Variants in ENPP3 observed in about 807,000 individuals in gnomAD.
ENPP3 encodes ectonucleotide pyrophosphatase/phosphodiesterase family member 3.
A neutral mutation model predicts 117.8 loss-of-function variants in ENPP3; 104 were observed. The ratio of observed to expected loss-of-function variants is 0.88; its 90% CI spans 0.75 to 1.04. The LOEUF (loss-of-function observed/expected upper bound fraction) is 1.04. Among genes scored for constraint, ENPP3 ranks in the 50% least tolerant of loss-of-function variants. The pLI, the probability that ENPP3 is intolerant of heterozygous loss-of-function variation, is 0.00. For synonymous variants in ENPP3, 380 were observed against 349.9 expected (o/e 1.09, Z -0.96); for missense variants, 1,026 against 1,051.9 (o/e 0.98, Z 0.34).
chr6:131,678,221 T>C (rs893025345), intron 11 of ENPP3, among the ~76,000 whole-genome samples: 11 of 152,210 alleles, frequency 7.2e-5, no homozygotes, highest in Admixed American at 3.3e-4. Flanking sequence ...TGTTGTTGCA[T>C]ATAATGAAAA....
intron 15 of ENPP3, among the ~76,000 whole-genome samples, chr6:131,713,429 A>G (rs1179286085): frequency 1.3e-5 from 2 of 148,982 alleles, no homozygotes; most frequent in Non-Finnish European, 3.0e-5. Context: ...ATACTAATTT[A>G]TTTTTAATGT....
At chr6:131,706,023 ATTATT>A (rs1183516159) in intron 15 of ENPP3, among the ~76,000 whole-genome samples, 1 of 133,564 alleles carries the variant, frequency 7.5e-6, no homozygotes, top group Non-Finnish European at 1.5e-5. Context: ...ACTTTTTGTC[ATTATT>A]TTATTTTATT....
At chr6:131,652,743 G>A (rs1778290707) in intron 4 of ENPP3, 76 bp downstream of exon 4, 1 of 1,602,440 alleles carries the variant, frequency 6.2e-7, no homozygotes, top group Non-Finnish European at 8.5e-7. Flanking sequence ...GCCATGCTAG[G>A]CTGCAAAAAT....
chr6:131,679,356 A>C (rs1778971865), intron 11 of ENPP3, among the ~76,000 whole-genome samples: 1 of 151,812 alleles, frequency 6.6e-6, no homozygotes, highest in Admixed American at 6.6e-5. Flanking sequence ...CAGCCTCCCA[A>C]AGTGTTGGGA....
intron 15 of ENPP3, among the ~76,000 whole-genome samples, chr6:131,696,612 CAG>C (rs1407606817): frequency 6.6e-6 from 1 of 152,160 alleles, no homozygotes; most frequent in East Asian, 1.9e-4. Context: ...CAAGCCTTAA[CAG>C]GGGCTGCATT....
At chr6:131,673,251 A>C (rs1400406278) in intron 7 of ENPP3, among the ~76,000 whole-genome samples, 1 of 152,166 alleles carries the variant, frequency 6.6e-6, no homozygotes, top group Non-Finnish European at 1.5e-5. Context: ...GAATCCGTGG[A>C]TTCAACTAAC....
chr6:131,678,473 T>C (rs1778919972), intron 11 of ENPP3, among the ~76,000 whole-genome samples: 1 of 152,250 alleles, frequency 6.6e-6, no homozygotes, highest in Non-Finnish European at 1.5e-5. Flanking sequence ...CATTCTGTTA[T>C]GATTTTACTA....
chr6:131,724,273 T>TG (rs1223384832), intron 19 of ENPP3, among the ~76,000 whole-genome samples, 182 bp downstream of exon 19: 3 of 147,624 alleles, frequency 2.0e-5, no homozygotes, highest in African/African-American at 7.7e-5. Flanking sequence ...AGTACAAGCA[T>TG]GGGGTAGTTC....
intron 11 of ENPP3, among the ~76,000 whole-genome samples, chr6:131,679,089 T>TTCCTTC (rs1562447085): frequency 5.5e-4 from 44 of 80,528 alleles, no homozygotes; most frequent in African/African-American, 2.4e-3. Context: ...TTCTTTCTTT[T>TTCCTTC]CTTCTTTCTT....
chr6:131,696,385 AAG>A (rs1385590129), intron 15 of ENPP3, among the ~76,000 whole-genome samples: 3 of 152,180 alleles, frequency 2.0e-5, no homozygotes, highest in Non-Finnish European at 2.9e-5. Context: ...TACAAGGCTC[AAG>A]GAAGCAAAAA....
intron 15 of ENPP3, among the ~76,000 whole-genome samples, chr6:131,701,774 C>T (rs1779537290): frequency 6.7e-6 from 1 of 149,648 alleles, no homozygotes; most frequent in Non-Finnish European, 1.5e-5. Context: ...CCCAGCTACT[C>T]GGGAGGCTGA....
In ENPP3 at chr6:131,685,872, A is replaced by G. The variant is rs779573076; in HGVS notation, c.1253-4A>G. 1.7e-5 allele frequency: 16 copies of G among 958,950 alleles called. No individual in the cohort carries two copies. The South Asian group carries it at 1.8e-4, about 11-fold the overall frequency. The allele number at this position is 958,950 out of a possible 1,614,324, so 59.4% of individuals were successfully genotyped here. A position where few individuals can be genotyped will look rare whatever the true frequency, so the allele number is the denominator to read the frequency against. On this transcript the variant is annotated splice_polypyrimidine_tract_variant and splice_region_variant and intron_variant, in intron 13 of 24. Coordinates refer to ENST00000357639, the MANE Select transcript of ENPP3 (RefSeq NM_005021.5). ...GTCATTTATTTCTTTTTCTTTTGAA[A>G]CAGTTAATTCTGAGGAAATTGTTAG... is the stretch of plus-strand genomic sequence containing the variant.
chr6:131,663,117 T>C (rs1212097646), intron 6 of ENPP3, among the ~76,000 whole-genome samples: 1 of 151,680 alleles, frequency 6.6e-6, no homozygotes, highest in African/African-American at 2.4e-5. Flanking sequence ...CTTCTGAAAA[T>C]AGGGACAGGT....
chr6:131,731,120 A>G (rs1562479219), intron 20 of ENPP3, among the ~76,000 whole-genome samples: 2 of 152,054 alleles, frequency 1.3e-5, no homozygotes, highest in East Asian at 1.9e-4. Flanking sequence ...CTTTTTAAAC[A>G]TTGCCTCTGT....
chr6:131,673,856 T>G (rs1778804561), intron 7 of ENPP3, among the ~76,000 whole-genome samples: 1 of 152,188 alleles, frequency 6.6e-6, no homozygotes, highest in Non-Finnish European at 1.5e-5. Flanking sequence ...CTATTATAAG[T>G]AATCTAGAGA....
chr6:131,668,429 G>A (rs759705780), intron 6 of ENPP3, among the ~76,000 whole-genome samples: 3 of 151,754 alleles, frequency 2.0e-5, no homozygotes, highest in Non-Finnish European at 4.4e-5. Context: ...TGGCCAGGCT[G>A]GTCTTGAACT....
intron 2 of ENPP3, among the ~76,000 whole-genome samples, chr6:131,645,146 C>G (rs945316598): frequency 1.1e-4 from 17 of 152,218 alleles, no homozygotes; most frequent in Non-Finnish European, 2.2e-4. Flanking sequence ...CCCAAATTGG[C>G]TTTAGTTCCT....
In ENPP3 at chr6:131,734,770, TGC is replaced by T. The variant is rs1585734092; in HGVS notation, c.2089+1050_2089+1051del. ...TAGAAAAATTAGCTGGGTTTGCTGG[TGC>T]GCACCTGTAATACCAGCTATTCAGG... On this transcript the variant is annotated intron_variant, in intron 21 of 24. Transcript: ENST00000357639. Among the ~76,000 whole-genome samples the T allele has an allele frequency of 1.4e-4, 21 of 151,856 alleles. No homozygotes were observed. In the East Asian group the frequency reaches 4.1e-3, roughly 30 times the overall value.
chr6:131,687,858 T>A (rs570974890), intron 14 of ENPP3, among the ~76,000 whole-genome samples: 2 of 152,294 alleles, frequency 1.3e-5, no homozygotes, highest in African/African-American at 4.8e-5. Context: ...CTACATGAAA[T>A]TCATGACTTC....
Sources: allele counts gnomAD v4.1 joint callset (sites outside exome capture counted in the v4.1 genomes callset), GRCh38; gene constraint gnomAD v4.1.1; transcripts MANE v1.5; gene names NCBI Gene and HGNC (gene_info 2026-07-23, HGNC 2026-07-21).